CPLANE1: variants seen among roughly 807,000 people sequenced by gnomAD.
CPLANE1 encodes the protein ciliogenesis and planar polarity effector complex subunit 1.
A neutral mutation model predicts 362.5 loss-of-function variants in CPLANE1; 263 were observed. The observed-to-expected ratio is 0.73, with a 90% CI of 0.66 to 0.80. CPLANE1 has a LOEUF of 0.80. Ranked by LOEUF, CPLANE1 falls within the 30% of genes least tolerant of loss-of-function variation. CPLANE1 has a pLI of 0.00. For missense variants in CPLANE1, 3,461 were observed against 3,793.4 expected, an observed-to-expected ratio of 0.91 and a Z score of 2.30; for synonymous variants, 1,212 against 1,302.6, an observed-to-expected ratio of 0.93 and a Z score of 1.50.
chr5:37,162,680 T>G, intron 37 of CPLANE1, 114 bp from the exon 38 acceptor site: 1 of 680,382 alleles, frequency 1.5e-6, no homozygotes, highest in Admixed American at 2.9e-5. Flanking sequence ...CAGGATGTTA[T>G]TAAATTTTTT....
chr5:37,178,575 T>G (rs1781833390), intron 29 of CPLANE1, among the ~76,000 whole-genome samples: 2 of 150,002 alleles, frequency 1.3e-5, no homozygotes, highest in Admixed American at 1.3e-4. Context: ...ATCGTGCCAC[T>G]GCACTCCAGC....
intron 30 of CPLANE1, 40 bp from the exon 31 acceptor site, chr5:37,176,026 T>A (rs1268320303): frequency 7.5e-7 from 1 of 1,330,976 alleles, no homozygotes; most frequent in African/African-American, 1.4e-5. Context: ...AAGCAAGATA[T>A]TCTTTGCATT....
At chr5:37,244,745 A>G in intron 4 of CPLANE1, 138 bp from the exon 5 acceptor site, 1 of 628,606 alleles carries the variant, frequency 1.6e-6, no homozygotes. Context: ...AGGCACTAGC[A>G]AAAAATACAA....
At chr5:37,206,603 G>A (rs1449917391) in intron 16 of CPLANE1, among the ~76,000 whole-genome samples, 178 bp from the exon 17 acceptor site, 1 of 152,046 alleles carries the variant, frequency 6.6e-6, no homozygotes, top group Non-Finnish European at 1.5e-5. Context: ...ACTGAAGAAT[G>A]TGCCTCATTC....
chr5:37,093,870 G>A, the CPLANE1 span, among the ~76,000 whole-genome samples: 1 of 152,226 alleles, frequency 6.6e-6, no homozygotes, highest in African/African-American at 2.4e-5. Context: ...AGTTATGGCT[G>A]AAGGCAGCCT....
At position 37,168,949 on chromosome 5, in the gene CPLANE1, G is replaced by T. The variant is rs1211605950; in HGVS notation, c.7075C>A (p.Leu2359Ile). The T allele has an allele frequency of 1.9e-6, 3 of 1,614,036 alleles. No individual in the cohort carries two copies. The highest frequency in any genetic ancestry group is 1.3e-5 in the African/African-American group (1 of 74,928). ...LEISPHHSFG[L>I]PLLYLPLKPP... ...TTAAGTGGCAGGTATAGTAACGGAA[G>T]TCCAAAGGAATGGTGAGGAGATATC... Residue 2359 changes from leucine to isoleucine, a missense_variant, in exon 34 of 53, where the codon CTT becomes ATT. By Grantham distance (5) the Leu-to-Ile change is conservative (BLOSUM62 2). Transcript: ENST00000651892.
At chr5:37,213,380 C>T (rs993273591) in intron 16 of CPLANE1, among the ~76,000 whole-genome samples, 179 bp downstream of exon 16, 3 of 152,108 alleles carry the variant, frequency 2.0e-5, no homozygotes, top group Admixed American at 6.5e-5. Context: ...TCAGTAAAAA[C>T]GAATCTAAGC....
At position 37,226,900 on chromosome 5, in the gene CPLANE1, G is replaced by A. The variant is rs1174477022; in HGVS notation, c.1695C>T (p.Thr565=). The stretch of plus-strand genomic sequence containing the variant: ...TCTGGATAGAATGCAGTTCTGTAAT[G>A]GTTCTATCTGTCTCCTCACTATCAT... ...AKDDSEETDR[T]ITELHSIQKS... The change falls in exon 12 of 53, where the codon ACC becomes ACT. Residue 565 remains threonine (T), a synonymous_variant. Coordinates refer to ENST00000651892, the MANE Select transcript of CPLANE1 (RefSeq NM_001384732.1). The A allele has an allele frequency of 6.4e-7, 1 of 1,551,538 alleles. No homozygotes were observed. The highest frequency in any genetic ancestry group is 2.0e-5 in the Admixed American group (1 of 50,966).
chr5:37,089,960 C>A, the CPLANE1 span, among the ~76,000 whole-genome samples: 6 of 152,100 alleles, frequency 3.9e-5, no homozygotes. Flanking sequence ...CCAACGGAGC[C>A]AATACTTTTA....
intron 22 of CPLANE1, 38 bp downstream of exon 22, chr5:37,187,695 C>A (rs779723316): frequency 5.1e-6 from 8 of 1,577,882 alleles, no homozygotes; most frequent in Non-Finnish European, 6.1e-6. Context: ...TCCCACTTAA[C>A]GTGTGTTCAT....
Position 37,107,584 on chromosome 5 carries a change from C to A in CPLANE1, c.*18G>T, listed in dbSNP as rs200332492. The A allele has an allele frequency of 4.9e-4, 787 of 1,593,480 alleles. 5 individuals carry two copies. The highest frequency in any genetic ancestry group is 2.7e-3 in the Middle Eastern group (12 of 4,404). ...TGAGGTGCTGGCCTGTGCATGGAAA[C>A]CCAATGATATCCAGGTCTTACAGGT... On this transcript the variant is annotated 3_prime_UTR_variant, in exon 53 of 53. Transcript: ENST00000651892.
At chr5:37,087,141 A>G in the CPLANE1 span, among the ~76,000 whole-genome samples, 4 of 152,212 alleles carry the variant, frequency 2.6e-5, no homozygotes, top group South Asian at 8.3e-4. Context: ...GTAGTAAACC[A>G]TAACACATGG....
chr5:37,223,095 T>C (rs1225820510), intron 14 of CPLANE1, among the ~76,000 whole-genome samples: 1 of 152,262 alleles, frequency 6.6e-6, no homozygotes, highest in Non-Finnish European at 1.5e-5. Context: ...AACTTAGCTC[T>C]TATGATCCTA....
At chr5:37,085,316 T>A in the CPLANE1 span, 162 of 1,205,554 alleles carry the variant, frequency 1.3e-4, 2 homozygotes, top group Middle Eastern at 5.6e-3. Context: ...GATTCATGGA[T>A]GTCATCAGCA....
At chr5:37,138,575 C>A in intron 46 of CPLANE1, 145 bp downstream of exon 46, 1 of 846,512 alleles carries the variant, frequency 1.2e-6, no homozygotes, top group Non-Finnish European at 2.0e-6. Flanking sequence ...AAGAATGACA[C>A]ATATACATAA....
chr5:37,160,438 A>G (rs1377159752), intron 38 of CPLANE1, among the ~76,000 whole-genome samples: 2 of 151,850 alleles, frequency 1.3e-5, no homozygotes, highest in Non-Finnish European at 2.9e-5. Flanking sequence ...ACCTGTCAGG[A>G]GACCTTGGCT....
chr5:37,234,021 T>G (rs531178165), intron 8 of CPLANE1, among the ~76,000 whole-genome samples: 2 of 152,180 alleles, frequency 1.3e-5, no homozygotes, highest in African/African-American at 4.8e-5. Context: ...ACTACAAGTA[T>G]GCAAAATCAA....
chr5:37,121,405 A>G (rs974002627), intron 49 of CPLANE1, among the ~76,000 whole-genome samples: 1 of 152,260 alleles, frequency 6.6e-6, no homozygotes, highest in African/African-American at 2.4e-5. Flanking sequence ...CTGTAAGCTT[A>G]GTGAGAAATA....
chr5:37,138,490 T>C (rs755727468), intron 46 of CPLANE1: 2 of 647,626 alleles, frequency 3.1e-6, no homozygotes, highest in Admixed American at 1.9e-5. Flanking sequence ...GGATTAAATG[T>C]ATGTTGTACT....
Sources: allele counts gnomAD v4.1 joint callset (sites outside exome capture counted in the v4.1 genomes callset), GRCh38; gene constraint gnomAD v4.1.1; transcripts MANE v1.5; gene names NCBI Gene and HGNC (gene_info 2026-07-23, HGNC 2026-07-21).